The following PELP1 variants were observed in gnomAD, a reference collection of about 807,000 sequenced individuals.
PELP1 encodes the protein proline-, glutamic acid- and leucine-rich protein 1.
In PELP1, 32 loss-of-function variants were observed where a neutral mutation model predicts 95.5. The ratio of observed to expected loss-of-function variants is 0.34; its 90% CI spans 0.25 to 0.45. The LOEUF is 0.45. Among genes scored for constraint, PELP1 ranks in the 20% least tolerant of loss-of-function variants. The pLI, the probability that PELP1 is intolerant of heterozygous loss-of-function variation, is 1.00. For synonymous variants in PELP1, 668 were observed against 600.1 expected (o/e 1.11, Z -1.65); for missense variants, 1,358 against 1,444.8 (o/e 0.94, Z 0.97).
At position 4,672,848 on chromosome 17, in the gene PELP1, C is replaced by T. The variant is rs765188029; in HGVS notation, c.2143G>A (p.Gly715Ser). Residue 715 changes from glycine (G) to serine (S), a missense_variant, in exon 16 of 17, where the codon GGC becomes AGC. Gly to Ser is a moderately conservative substitution (Grantham distance 56). Coordinates refer to ENST00000572293, the MANE Select transcript of PELP1 (RefSeq NM_014389.3). ...TANHLGLSVP[G>S]LVSVPPRLLP... ...AGCCGGGGAGGGACAGACACTAGGC[C>T]TGGGACAGAAAGGCCTAGGTGGTTG... is the stretch of plus-strand genomic sequence containing the variant. The T allele has an allele frequency of 2.3e-5, 37 of 1,613,814 alleles. No individual in the cohort carries two copies. Among genetic ancestry groups the T allele is most frequent in the Non-Finnish European group, 3.1e-5 (36 of 1,179,860 alleles).
intron 3 of PELP1, among the ~76,000 whole-genome samples, chr17:4,683,272 G>T (rs1436922835): frequency 6.7e-6 from 1 of 149,492 alleles, no homozygotes; most frequent in Non-Finnish European, 1.5e-5. Context: ...CCAGGCTGGA[G>T]TGCAGTGGCG....
At chr17:4,703,136 A>G (rs894483186) in intron 1 of PELP1, among the ~76,000 whole-genome samples, 1 of 152,058 alleles carries the variant, frequency 6.6e-6, no homozygotes, top group Non-Finnish European at 1.5e-5. Flanking sequence ...GCTCTGCATG[A>G]CCCGACCACT....
At chr17:4,700,577 T>G (rs1200144286) in intron 1 of PELP1, among the ~76,000 whole-genome samples, 3 of 152,026 alleles carry the variant, frequency 2.0e-5, no homozygotes, top group African/African-American at 7.2e-5. Context: ...CAAGACACTG[T>G]TTTTGTCCTT....
intron 1 of PELP1, among the ~76,000 whole-genome samples, chr17:4,698,942 A>G (rs1913412911): frequency 6.6e-6 from 1 of 152,228 alleles, no homozygotes; most frequent in Non-Finnish European, 1.5e-5. Context: ...TTACTCCTAA[A>G]TGGACCCAGA....
intron 2 of PELP1, 139 bp downstream of exon 2, chr17:4,691,239 A>G: frequency 1.4e-6 from 1 of 708,160 alleles, no homozygotes; most frequent in Non-Finnish European, 2.5e-6. Flanking sequence ...AGCTCACAAA[A>G]GGAATGTAAC....
chr17:4,672,810 A>G lies in PELP1; in HGVS notation c.2181T>C (p.Pro727=). 1 of 1,613,810 alleles carries G rather than the reference A, an allele frequency of 6.2e-7. No homozygotes were observed. Among genetic ancestry groups the G allele is most frequent in the East Asian group, 2.2e-5 (1 of 44,872 alleles). The change falls in exon 16 of 17, where the codon CCT becomes CCC. Residue 727 remains proline, a synonymous_variant. Transcript: ENST00000572293. The part of the protein sequence containing the change: ...VSVPPRLLPG[P]ENHRAGSNED... ...CATTTGAGCCTGCCCGGTGGTTCTC[A>G]GGGCCAGGAAGAAGCCGGGGAGGGA...
chr17:4,696,141 A>T (rs1270605001), intron 1 of PELP1, among the ~76,000 whole-genome samples: 1 of 151,966 alleles, frequency 6.6e-6, no homozygotes, highest in Non-Finnish European at 1.5e-5. Flanking sequence ...CAGCCTGTGC[A>T]ACCGAGGGAG....
At chr17:4,703,473 T>C (rs1209427302) in intron 1 of PELP1, among the ~76,000 whole-genome samples, 3 of 152,198 alleles carry the variant, frequency 2.0e-5, no homozygotes, top group East Asian at 3.8e-4. Flanking sequence ...GTACAGTATC[T>C]GACCCTCAAT....
At chr17:4,683,511 G>A (rs1378006224) in intron 3 of PELP1, among the ~76,000 whole-genome samples, 37 of 138,364 alleles carry the variant, frequency 2.7e-4, no homozygotes, top group Non-Finnish European at 3.9e-4. Context: ...GAGCCATCAC[G>A]CCCAGCTGAG....
Position 4,671,673 on chromosome 17 carries a change from C to A in PELP1, c.3300+18G>T. On this transcript the variant is annotated intron_variant, in intron 16 of 16. Coordinates refer to ENST00000572293, the MANE Select transcript of PELP1 (RefSeq NM_014389.3). ...CCCACCTTCTCGCCCAAGGAACCTTCCCTGCCTGGCCTCTCACCTTTTCCT... is the reference window on the plus strand; with the variant it reads ...CCCACCTTCTCGCCCAAGGAACCTTACCTGCCTGGCCTCTCACCTTTTCCT... 6.3e-7 allele frequency: 1 copy of A among 1,587,180 alleles called. No individual in the cohort carries two copies. Among genetic ancestry groups the A allele is most frequent in the Non-Finnish European group, 8.5e-7 (1 of 1,170,332 alleles).
chr17:4,694,353 C>G (rs1394212101), intron 1 of PELP1, among the ~76,000 whole-genome samples: 1 of 151,948 alleles, frequency 6.6e-6, no homozygotes. Context: ...ATTGTATACT[C>G]TAAGTGAGTG....
intron 5 of PELP1, among the ~76,000 whole-genome samples, chr17:4,680,895 G>A (rs1403897130): frequency 1.3e-5 from 2 of 152,172 alleles, no homozygotes; most frequent in Admixed American, 6.5e-5. Flanking sequence ...TGACTGCTTA[G>A]GCAGAATTTG....
intron 1 of PELP1, among the ~76,000 whole-genome samples, chr17:4,702,234 C>A (rs1235474498): frequency 2.6e-5 from 4 of 152,100 alleles, no homozygotes; most frequent in African/African-American, 7.2e-5. Context: ...GCCTGGGCAA[C>A]ATGGCAAAAC....
At chr17:4,683,432 G>A (rs530614020) in intron 3 of PELP1, among the ~76,000 whole-genome samples, 138 of 151,310 alleles carry the variant, frequency 9.1e-4, no homozygotes, top group South Asian at 2.3e-3. Flanking sequence ...ATGTTAGCCA[G>A]GATGGTCTCG....
intron 3 of PELP1, among the ~76,000 whole-genome samples, chr17:4,686,798 G>A (rs375717507): frequency 3.9e-5 from 6 of 152,126 alleles, no homozygotes; most frequent in Admixed American, 2.0e-4. Flanking sequence ...GATTACAGGC[G>A]TGAGCCACCA....
At chr17:4,694,457 G>A (rs1011641770) in intron 1 of PELP1, among the ~76,000 whole-genome samples, 1 of 127,202 alleles carries the variant, frequency 7.9e-6, no homozygotes, top group Non-Finnish European at 1.6e-5. Context: ...TTTGAGACCA[G>A]CCTGGCCAAC....
intron 11 of PELP1, 34 bp from the exon 12 acceptor site, chr17:4,674,990 G>C (rs777855928): frequency 6.2e-7 from 1 of 1,605,418 alleles, no homozygotes; most frequent in Admixed American, 1.7e-5. Context: ...GTTATGAATG[G>C]GGGGTCAACA....
At chr17:4,685,799 A>AAAAAAAGG (rs150717757) in intron 3 of PELP1, among the ~76,000 whole-genome samples, 25 of 143,488 alleles carry the variant, frequency 1.7e-4, no homozygotes, top group Non-Finnish European at 3.3e-4. Context: ...TCTTAAAAAA[A>AAAAAAAGG]AAAGAACAAA....
At chr17:4,694,001 A>G (rs944183212) in intron 1 of PELP1, among the ~76,000 whole-genome samples, 1 of 152,150 alleles carries the variant, frequency 6.6e-6, no homozygotes, top group Non-Finnish European at 1.5e-5. Context: ...GAGAGTTTGA[A>G]TCCAGCCTAG....
Sources: gnomAD v4.1 joint callset for allele counts (sites outside exome capture counted in the v4.1 genomes callset) on GRCh38, gnomAD v4.1.1 for gene constraint, MANE v1.5 for transcripts, NCBI Gene and HGNC (gene_info 2026-07-23, HGNC 2026-07-21) for gene names.